HERC1: variants seen among roughly 807,000 people sequenced by gnomAD.
The protein encoded by HERC1 is HECT and RLD domain containing E3 ubiquitin protein ligase family member 1, also known as probable E3 ubiquitin-protein ligase HERC1.
In HERC1, 160 loss-of-function variants were observed where a neutral mutation model predicts 554.3. The observed-to-expected ratio is 0.29, with a 90% CI of 0.25 to 0.33. The LOEUF (loss-of-function observed/expected upper bound fraction) is 0.33, where lower values mean the gene tolerates loss of function less well. HERC1 is among the 10% of genes least tolerant of loss of function. The pLI is 1.00. For synonymous variants in HERC1, 2,175 were observed against 2,131.7 expected, an observed-to-expected ratio of 1.02 and a Z score of -0.56; for missense variants, 4,919 against 5,918.5, an observed-to-expected ratio of 0.83 and a Z score of 5.54.
At chr15:63,790,255 T>C (rs2076598945) in intron 1 of HERC1, among the ~76,000 whole-genome samples, 1 of 152,140 alleles carries the variant, frequency 6.6e-6, no homozygotes, top group Admixed American at 6.5e-5. Context: ...CTACCACCAA[T>C]ATTGGTTGTA....
chr15:63,697,331 G>A (rs2072474173), intron 26 of HERC1, among the ~76,000 whole-genome samples: 1 of 151,884 alleles, frequency 6.6e-6, no homozygotes, highest in African/African-American at 2.4e-5. Context: ...CTAAATTTTG[G>A]GTTGTCTGAT....
chr15:63,626,178 T>G (rs755660453), intron 70 of HERC1, 24 bp from the exon 71 acceptor site: 1 of 1,606,544 alleles, frequency 6.2e-7, no homozygotes, highest in East Asian at 2.2e-5. Flanking sequence ...AAATGGGCAC[T>G]TATGAAGGAA....
At position 63,734,880 on chromosome 15, in the gene HERC1, G is replaced by C. The variant is rs1248298232; in HGVS notation, c.2521-31C>G. ...ATCAAAAGAGAAAAGTATACTGATTGGCCTGGTTCTTAGTTTTTAATAAAA... is the reference window on the plus strand; with the variant it reads ...ATCAAAAGAGAAAAGTATACTGATTCGCCTGGTTCTTAGTTTTTAATAAAA... On this transcript the variant is annotated intron_variant, in intron 12 of 77. Transcript: ENST00000443617. The surrounding 1 kb of genome is among the most constrained non-coding windows in gnomAD (Gnocchi z 4.6). The C allele has an allele frequency of 6.3e-7, 1 of 1,588,714 alleles. No homozygotes were observed. Among genetic ancestry groups the C allele is most frequent in the Non-Finnish European group, 8.6e-7 (1 of 1,166,768 alleles).
chr15:63,782,148 T>C lies in HERC1; in HGVS notation c.-26-6499A>G, dbSNP rs181047196. Among the ~76,000 whole-genome samples, 3 of 152,344 alleles carry C rather than the reference T, an allele frequency of 2.0e-5. No individual in the cohort carries two copies. The East Asian group carries it at 5.8e-4, about 29-fold the overall frequency. The stretch of plus-strand genomic sequence containing the variant: ...CAGAATATCTACCTAAGGTAACTGA[T>C]GAAAGTAGTTATATTAAACAACAGA... On this transcript the variant is annotated intron_variant, in intron 1 of 77. Transcript: ENST00000443617.
At chr15:63,759,303 T>C (rs2075532134) in intron 3 of HERC1, among the ~76,000 whole-genome samples, 1 of 152,198 alleles carries the variant, frequency 6.6e-6, no homozygotes. Context: ...CATTCACACG[T>C]ATATCTGAAT....
intron 1 of HERC1, among the ~76,000 whole-genome samples, chr15:63,778,408 A>T (rs928038606): frequency 5.3e-5 from 8 of 152,246 alleles, no homozygotes; most frequent in Non-Finnish European, 8.8e-5. Flanking sequence ...TTAAAGCAGA[A>T]GGCACGGTTT....
At chr15:63,724,696 G>C (rs1169822383) in intron 18 of HERC1, among the ~76,000 whole-genome samples, 1 of 151,948 alleles carries the variant, frequency 6.6e-6, no homozygotes, top group African/African-American at 2.4e-5. Context: ...GAGATTAAAG[G>C]ACCAATTCTA....
At chr15:63,717,560 A>C (rs1420066056) in intron 21 of HERC1, among the ~76,000 whole-genome samples, 1 of 152,204 alleles carries the variant, frequency 6.6e-6, no homozygotes, top group African/African-American at 2.4e-5. Context: ...ACTGTTCTTA[A>C]TAAGTAGTTT....
rs1181198688 is a variant in HERC1 at position 63,674,701 on chromosome 15, T to C, written c.7487A>G (p.His2496Arg). The change falls in exon 38 of 78, where the codon CAT becomes CGT. Residue 2496 changes from histidine to arginine, a missense_variant. This residue lies in a region of HERC1 where 1,963 missense variants were observed against 2,228.6 expected (regional missense o/e 0.88). Transcript: ENST00000443617. ...RKNHEHMSKNHDVAQSEIRAV... is the reference protein window; with the variant it reads ...RKNHEHMSKNRDVAQSEIRAV... ...TCTGATTTCTGACTGGGCTACATCA[T>C]GGTTTTTGGACATGTGTTCATGATT... 1 of 1,613,704 alleles carries C rather than the reference T, an allele frequency of 6.2e-7. No individual in the cohort carries two copies. The highest frequency in any genetic ancestry group is 1.1e-5 in the South Asian group (1 of 91,038).
intron 36 of HERC1, 95 bp from the exon 37 acceptor site, chr15:63,678,460 T>C (rs2071313141): frequency 7.2e-7 from 1 of 1,380,864 alleles, no homozygotes; most frequent in Non-Finnish European, 9.6e-7. Flanking sequence ...GTTGAACTAG[T>C]ATTTGGGTCT....
At chr15:63,799,037 G>A (rs2076897550) in intron 1 of HERC1, among the ~76,000 whole-genome samples, 2 of 152,182 alleles carry the variant, frequency 1.3e-5, no homozygotes, top group South Asian at 2.1e-4. Context: ...TTTAAGATAC[G>A]TTTCAGAACT....
chr15:63,655,886 G>A lies in HERC1; in HGVS notation c.9940C>T (p.Pro3314Ser), dbSNP rs1367286344. ...TCAGCAATTCCTCGGAGAAAGCTGG[G>A]TAGAAACTTTCGCTGAATTGAGTCA... ...VDDSIQRKFLPSFLRGIAEEN... is the reference protein window; with the variant it reads ...VDDSIQRKFLSSFLRGIAEEN... Residue 3314 changes from proline (P) to serine (S), a missense_variant, in exon 50 of 78, where the codon CCC becomes TCC. Physicochemically the swap from Pro to Ser is moderately conservative, Grantham distance 74 (BLOSUM62 -1). This residue lies in a region of HERC1 where 1,963 missense variants were observed against 2,228.6 expected (regional missense o/e 0.88). Coordinates refer to ENST00000443617, the MANE Select transcript of HERC1 (RefSeq NM_003922.4). 2.5e-6 allele frequency: 4 copies of A among 1,612,252 alleles called. No individual in the cohort carries two copies. The highest frequency in any genetic ancestry group is 3.4e-6 in the Non-Finnish European group (4 of 1,179,252).
In HERC1 at chr15:63,718,124, A is replaced by AC. The variant is rs61154847; in HGVS notation, c.3978+449_3978+450insG. ...CACACACACACACACACACACACAC[A>AC]ACCCCCTCCTTGGTTTTCACTTCTC... On this transcript the variant is annotated intron_variant, in intron 21 of 77. Coordinates refer to ENST00000443617, the MANE Select transcript of HERC1 (RefSeq NM_003922.4). The surrounding 1 kb of genome is among the most constrained non-coding windows in gnomAD (Gnocchi z 4.2). 1.3e-4 allele frequency among the ~76,000 whole-genome samples: 20 copies of AC among 148,284 alleles called. No individual in the cohort carries two copies. Among genetic ancestry groups the AC allele is most frequent in the East Asian group, 8.3e-4 (4 of 4,844 alleles).
In HERC1 at chr15:63,659,746, C is replaced by T; in HGVS notation, c.9414G>A (p.Leu3138=). ...VTATNSMEET[L]MQIGCHGSVE... ...AGGATTTCAGTTTACCTATTTGCAT[C>T]AGAGTCTCTTCCATACTGTTGGTGG... The change falls in exon 47 of 78, where the codon CTG becomes CTA. Residue 3138 remains leucine, a synonymous_variant. Coordinates refer to ENST00000443617, the MANE Select transcript of HERC1 (RefSeq NM_003922.4). 1.2e-6 allele frequency: 2 copies of T among 1,612,336 alleles called. No homozygotes were observed. Among genetic ancestry groups the T allele is most frequent in the Non-Finnish European group, 1.7e-6 (2 of 1,178,430 alleles).
chr15:63,612,448 C>G lies in HERC1; in HGVS notation c.14203G>C (p.Val4735Leu). 1 of 1,614,072 alleles carries G rather than the reference C, an allele frequency of 6.2e-7. No homozygotes were observed. Among genetic ancestry groups the G allele is most frequent in the South Asian group, 1.1e-5 (1 of 91,088 alleles). Reference protein sequence around the residue: ...QMVCGMPEISVEVLKKVVRYR... With the variant: ...QMVCGMPEISLEVLKKVVRYR... ...CGCACCACTTTCTTCAAGACTTCCA[C>G]AGAGATCTCGGGCATCCCACACACC... Residue 4735 changes from valine to leucine, a missense_variant, in exon 77 of 78, where the codon GTG becomes CTG. Val to Leu is a conservative substitution (Grantham distance 32). This residue lies in a region of HERC1 where 284 missense variants were observed against 294.1 expected (regional missense o/e 0.97). Coordinates refer to ENST00000443617, the MANE Select transcript of HERC1 (RefSeq NM_003922.4). This position sits in a 1 kb window ranked among gnomAD's most constrained non-coding sequence, Gnocchi z 5.0.
At position 63,775,704 on chromosome 15, in the gene HERC1, T is replaced by C. The variant is rs2076092038; in HGVS notation, c.-26-55A>G. 3 of 1,155,622 alleles carry C rather than the reference T, an allele frequency of 2.6e-6. No individual in the cohort carries two copies. Among genetic ancestry groups the C allele is most frequent in the South Asian group, 3.0e-5 (2 of 66,366 alleles). The allele number at this position is 1,155,622 out of a possible 1,614,324, so 71.6% of individuals were successfully genotyped here. A position where few individuals can be genotyped will look rare whatever the true frequency, so the allele number is the denominator to read the frequency against. On this transcript the variant is annotated intron_variant, in intron 1 of 77. Transcript: ENST00000443617. This position sits in a 1 kb window ranked among gnomAD's most constrained non-coding sequence, Gnocchi z 4.0. ...AACATACAGAGGACTCATAAAATGTTTCCAAAATTTCATCTTACATTACAA... is the reference window on the plus strand; with the variant it reads ...AACATACAGAGGACTCATAAAATGTCTCCAAAATTTCATCTTACATTACAA...
intron 2 of HERC1, among the ~76,000 whole-genome samples, chr15:63,773,861 C>T (rs991101736): frequency 6.6e-6 from 1 of 152,036 alleles, no homozygotes; most frequent in Admixed American, 6.6e-5. Flanking sequence ...TGTATTTTAA[C>T]ATTTGAATTT....
chr15:63,651,914 T>C (rs960275568), intron 52 of HERC1, among the ~76,000 whole-genome samples: 4 of 152,098 alleles, frequency 2.6e-5, no homozygotes, highest in Admixed American at 6.5e-5. Flanking sequence ...CAGGCACCTG[T>C]AGTCCCAGCT....
chr15:63,778,261 G>A (rs1567117246), intron 1 of HERC1, among the ~76,000 whole-genome samples: 1 of 152,182 alleles, frequency 6.6e-6, no homozygotes, highest in Non-Finnish European at 1.5e-5. Context: ...GAGGAGAAAG[G>A]CTAGTGAAGG....
Sources: allele counts gnomAD v4.1 joint callset (sites outside exome capture counted in the v4.1 genomes callset), GRCh38; gene constraint gnomAD v4.1.1; regional missense constraint gnomAD v4.1.1; non-coding constraint Gnocchi (gnomAD v3.1); transcripts MANE v1.5; gene names NCBI Gene and HGNC (gene_info 2026-07-23, HGNC 2026-07-21).